Variants in CHCHD3 observed in about 807,000 individuals in gnomAD.
CHCHD3 encodes MICOS complex subunit MIC19.
In CHCHD3, 20 loss-of-function variants were observed where a neutral mutation model predicts 38.2. That is an observed-to-expected ratio of 0.52 (90% CI 0.37 to 0.76). The LOEUF (loss-of-function observed/expected upper bound fraction) is 0.76, where lower values mean the gene tolerates loss of function less well. Ranked by LOEUF, CHCHD3 falls within the 30% of genes least tolerant of loss-of-function variation. The probability of loss-of-function intolerance (pLI) is 0.00; values close to 1 mark genes in which losing one functional copy is unlikely to be tolerated. For synonymous variants in CHCHD3, 82 were observed against 100.0 expected, an observed-to-expected ratio of 0.82 and a Z score of 1.07; for missense variants, 245 against 279.2, an observed-to-expected ratio of 0.88 and a Z score of 0.87.
At chr7:132,794,894 A>G (rs1806565138) in intron 7 of CHCHD3, among the ~76,000 whole-genome samples, 1 of 152,256 alleles carries the variant, frequency 6.6e-6, no homozygotes. Flanking sequence ...AGGACAGGGT[A>G]CAAACCCAGG....
intron 4 of CHCHD3, among the ~76,000 whole-genome samples, chr7:132,929,112 A>G (rs191066528): frequency 7.9e-5 from 12 of 152,340 alleles, no homozygotes; most frequent in Admixed American, 7.2e-4. Flanking sequence ...TTCATAGAAT[A>G]ATAACTATCC....
intron 6 of CHCHD3, among the ~76,000 whole-genome samples, chr7:132,829,961 C>T (rs978346762): frequency 3.3e-5 from 5 of 152,120 alleles, no homozygotes; most frequent in Admixed American, 1.3e-4. Context: ...AATACTGTGG[C>T]GACCAGTCAT....
At chr7:132,955,609 T>C (rs754388515) in intron 4 of CHCHD3, among the ~76,000 whole-genome samples, 1 of 151,920 alleles carries the variant, frequency 6.6e-6, no homozygotes, top group Non-Finnish European at 1.5e-5. Flanking sequence ...CCTTTTATAA[T>C]GTGGATGGGC....
chr7:133,076,519 A>G (rs1814996057), intron 1 of CHCHD3, among the ~76,000 whole-genome samples: 1 of 152,208 alleles, frequency 6.6e-6, no homozygotes, highest in South Asian at 2.1e-4. Flanking sequence ...GCTCCTAAAG[A>G]CAAATTTAAG....
intron 4 of CHCHD3, chr7:132,972,693 T>C (rs1456840139): frequency 1.3e-5 from 13 of 985,320 alleles, no homozygotes; most frequent in African/African-American, 1.7e-5. Flanking sequence ...GAAGGGACTC[T>C]CTCAATCAGC....
intron 3 of CHCHD3, chr7:133,022,366 A>G: frequency 6.6e-6 from 3 of 456,540 alleles, no homozygotes; most frequent in South Asian, 4.6e-5. Flanking sequence ...TATTTTCTAA[A>G]ACTGCCTATA....
intron 6 of CHCHD3, among the ~76,000 whole-genome samples, chr7:132,810,577 A>G (rs536902515): frequency 3.8e-4 from 58 of 152,318 alleles, no homozygotes; most frequent in Non-Finnish European, 6.5e-4. Flanking sequence ...ACAACAATCT[A>G]CCACACAGAT....
chr7:132,949,826 T>C (rs1295587208), intron 4 of CHCHD3, among the ~76,000 whole-genome samples: 2 of 151,956 alleles, frequency 1.3e-5, no homozygotes, highest in Non-Finnish European at 2.9e-5. Flanking sequence ...GTATGAAAAT[T>C]ATAATATTGG....
intron 5 of CHCHD3, among the ~76,000 whole-genome samples, chr7:132,840,897 AACACACACACACAATC>A (rs1554374150): frequency 6.6e-6 from 1 of 150,520 alleles, no homozygotes; most frequent in African/African-American, 2.5e-5. Context: ...AGGATGTTAA[AACACACACACACAATC>A]ACACACACAC....
At chr7:132,899,321 T>C (rs916840617) in intron 4 of CHCHD3, among the ~76,000 whole-genome samples, 11 of 152,150 alleles carry the variant, frequency 7.2e-5, no homozygotes, top group Admixed American at 2.0e-4. Flanking sequence ...TACGCAGCTC[T>C]GGGAAAATCT....
intron 4 of CHCHD3, among the ~76,000 whole-genome samples, chr7:132,912,132 T>A (rs1003290080): frequency 2.0e-5 from 3 of 152,244 alleles, no homozygotes; most frequent in Admixed American, 6.5e-5. Context: ...TTTTGTTATA[T>A]AGGCCACCAT....
chr7:132,999,240 T>C (rs1812501352), intron 3 of CHCHD3, among the ~76,000 whole-genome samples: 1 of 152,232 alleles, frequency 6.6e-6, no homozygotes, highest in Non-Finnish European at 1.5e-5. Flanking sequence ...ATCTGGGTTT[T>C]AGACTCTATT....
intron 4 of CHCHD3, among the ~76,000 whole-genome samples, chr7:132,927,269 A>G (rs768154366): frequency 1.2e-4 from 19 of 152,236 alleles, no homozygotes; most frequent in Non-Finnish European, 2.2e-4. Flanking sequence ...AGCTGTGTTT[A>G]TTAGGCACAA....
intron 2 of CHCHD3, among the ~76,000 whole-genome samples, chr7:133,041,632 C>T (rs1261305573): frequency 6.6e-6 from 1 of 152,218 alleles, no homozygotes; most frequent in Non-Finnish European, 1.5e-5. Context: ...TACAAATCTT[C>T]CTAAATCTTC....
intron 6 of CHCHD3, among the ~76,000 whole-genome samples, chr7:132,833,952 C>A (rs1807712554): frequency 6.6e-6 from 1 of 152,110 alleles, no homozygotes; most frequent in Non-Finnish European, 1.5e-5. Flanking sequence ...ATAAATGAAT[C>A]CTACTTTCAT....
Position 132,796,541 on chromosome 7 carries a change from C to T in CHCHD3, c.561G>A (p.Gln187=), listed in dbSNP as rs1385576965. The change falls in exon 7 of 8, where the codon CAG becomes CAA. Residue 187 remains glutamine, a synonymous_variant. Coordinates refer to ENST00000262570, the MANE Select transcript of CHCHD3 (RefSeq NM_017812.4). ...YESHPVCADL[Q]AKILQCYREN... Reference sequence around the variant, plus strand: ...CACGGTAACACTGAAGAATTTTGGCCTGCAGATCAGCACAGACTGGATGAG... The same window carrying T: ...CACGGTAACACTGAAGAATTTTGGCTTGCAGATCAGCACAGACTGGATGAG... The T allele has an allele frequency of 6.2e-7, 1 of 1,613,746 alleles. No individual in the cohort carries two copies. The highest frequency in any genetic ancestry group is 2.2e-5 in the East Asian group (1 of 44,872).
At chr7:132,892,654 G>A (rs1469702669) in intron 4 of CHCHD3, among the ~76,000 whole-genome samples, 3 of 152,124 alleles carry the variant, frequency 2.0e-5, no homozygotes, top group African/African-American at 4.8e-5. Flanking sequence ...AAGGAAAAAC[G>A]GTTGCCTGGA....
At chr7:133,060,910 C>G (rs1814487927) in intron 2 of CHCHD3, among the ~76,000 whole-genome samples, 1 of 151,570 alleles carries the variant, frequency 6.6e-6, no homozygotes, top group East Asian at 1.9e-4. Context: ...AACTCCAACT[C>G]AAAAATAAAA....
chr7:132,911,103 G>A (rs930823173), intron 4 of CHCHD3, among the ~76,000 whole-genome samples: 2 of 152,178 alleles, frequency 1.3e-5, no homozygotes, highest in Non-Finnish European at 2.9e-5. Context: ...AGGGTTAAAA[G>A]GGCAAGAAGA....
Sources: allele counts gnomAD v4.1 joint callset (sites outside exome capture counted in the v4.1 genomes callset), GRCh38; gene constraint gnomAD v4.1.1; transcripts MANE v1.5; gene names NCBI Gene and HGNC (gene_info 2026-07-23, HGNC 2026-07-21).